The following GALNTL6 variants were observed in gnomAD, a reference collection of about 807,000 sequenced individuals.
GALNTL6 encodes the protein polypeptide N-acetylgalactosaminyltransferase-like 6.
GALNTL6 carries 46 observed loss-of-function variants against 73.7 expected under a neutral mutation model. That is an observed-to-expected ratio of 0.62 (90% CI 0.49 to 0.80). The LOEUF is 0.80. Among genes scored for constraint, GALNTL6 ranks in the 30% least tolerant of loss-of-function variants. The pLI is 0.00. For missense variants in GALNTL6, 604 were observed against 755.0 expected, an observed-to-expected ratio of 0.80 and a Z score of 2.34; for synonymous variants, 259 against 263.7, an observed-to-expected ratio of 0.98 and a Z score of 0.17.
intron 2 of GALNTL6, among the ~76,000 whole-genome samples, chr4:172,057,612 C>T (rs1234795762): frequency 2.0e-5 from 3 of 147,830 alleles, no homozygotes; most frequent in Non-Finnish European, 4.5e-5. Flanking sequence ...GAGGTTGAGG[C>T]GGGAAGATCG....
At chr4:173,035,124 T>C (rs923677745) in intron 12 of GALNTL6, among the ~76,000 whole-genome samples, 66 of 152,076 alleles carry the variant, frequency 4.3e-4, no homozygotes, top group African/African-American at 1.6e-3. Flanking sequence ...CTTTAAGTTC[T>C]AGGGTACATG....
At chr4:172,202,246 G>A (rs1204606396) in intron 2 of GALNTL6, among the ~76,000 whole-genome samples, 1 of 152,156 alleles carries the variant, frequency 6.6e-6, no homozygotes, top group East Asian at 1.9e-4. Flanking sequence ...TAGGTATGAT[G>A]AGCACAGTAA....
intron 5 of GALNTL6, among the ~76,000 whole-genome samples, chr4:172,474,041 T>C (rs1350783101): frequency 2.6e-5 from 4 of 152,220 alleles, no homozygotes; most frequent in Admixed American, 1.3e-4. Context: ...TTTCTACCAG[T>C]TTTTCCCCCA....
intron 2 of GALNTL6, among the ~76,000 whole-genome samples, chr4:172,214,753 T>C (rs1736443077): frequency 6.6e-6 from 1 of 152,066 alleles, no homozygotes; most frequent in Admixed American, 6.6e-5. Flanking sequence ...GACCTCATGA[T>C]CGGCCTGCCT....
At chr4:172,411,080 AG>A (rs992072625) in intron 5 of GALNTL6, among the ~76,000 whole-genome samples, 1 of 152,136 alleles carries the variant, frequency 6.6e-6, no homozygotes, top group African/African-American at 2.4e-5. Context: ...CCCATATAAA[AG>A]GAACAACTTT....
At chr4:171,912,318 C>T (rs375913918) in intron 2 of GALNTL6, among the ~76,000 whole-genome samples, 2 of 151,988 alleles carry the variant, frequency 1.3e-5, no homozygotes, top group East Asian at 3.9e-4. Context: ...GACATTTTGC[C>T]ATTTCTTTTA....
chr4:172,447,384 A>C (rs1411696482), intron 5 of GALNTL6, among the ~76,000 whole-genome samples: 1 of 152,152 alleles, frequency 6.6e-6, no homozygotes, highest in Non-Finnish European at 1.5e-5. Flanking sequence ...AAAGGGAGAT[A>C]TATGCATTTG....
intron 10 of GALNTL6, among the ~76,000 whole-genome samples, chr4:172,990,196 T>C (rs986848639): frequency 2.6e-5 from 4 of 152,236 alleles, no homozygotes; most frequent in Non-Finnish European, 5.9e-5. Context: ...GTGTCTCCAA[T>C]TGTGTCCTGT....
chr4:172,854,805 A>T (rs1744037790), intron 7 of GALNTL6, among the ~76,000 whole-genome samples: 2 of 152,186 alleles, frequency 1.3e-5, no homozygotes, highest in African/African-American at 4.8e-5. Context: ...ATGCCTCTCC[A>T]AGTCATCGCA....
chr4:172,948,728 C>T (rs553390318), intron 9 of GALNTL6, among the ~76,000 whole-genome samples: 286 of 151,930 alleles, frequency 1.9e-3, no homozygotes, highest in Non-Finnish European at 2.6e-3. Context: ...GCCTCAGCCT[C>T]CCAAAGTGCT....
At chr4:172,259,481 T>TG (rs1394771425) in intron 3 of GALNTL6, among the ~76,000 whole-genome samples, 4 of 151,362 alleles carry the variant, frequency 2.6e-5, no homozygotes, top group African/African-American at 9.7e-5. Flanking sequence ...GCTGATTTGT[T>TG]GGAGTGTTTT....
intron 2 of GALNTL6, among the ~76,000 whole-genome samples, chr4:171,992,125 T>C (rs879261742): frequency 6.6e-6 from 1 of 152,056 alleles, no homozygotes; most frequent in Admixed American, 6.6e-5. Context: ...AGATATCTTT[T>C]CAGTGGAAAG....
At chr4:172,633,829 C>T (rs1376896541) in intron 5 of GALNTL6, among the ~76,000 whole-genome samples, 3 of 152,164 alleles carry the variant, frequency 2.0e-5, no homozygotes, top group South Asian at 2.1e-4. Flanking sequence ...ATACTGTTCT[C>T]GTGGTAGTCA....
At chr4:172,528,853 A>G (rs913058886) in intron 5 of GALNTL6, among the ~76,000 whole-genome samples, 1 of 148,804 alleles carries the variant, frequency 6.7e-6, no homozygotes, top group South Asian at 2.1e-4. Flanking sequence ...ACTTTTGCAT[A>G]CATTATATTT....
intron 5 of GALNTL6, among the ~76,000 whole-genome samples, chr4:172,470,532 G>A (rs1160267096): frequency 6.6e-6 from 1 of 152,042 alleles, no homozygotes; most frequent in Non-Finnish European, 1.5e-5. Context: ...TCAACCGAAG[G>A]CCTGAAACCT....
intron 7 of GALNTL6, among the ~76,000 whole-genome samples, chr4:172,868,186 G>A (rs1181139397): frequency 6.6e-6 from 1 of 152,108 alleles, no homozygotes; most frequent in Non-Finnish European, 1.5e-5. Context: ...TGCCTGAAGG[G>A]ATGCATAAAT....
At chr4:172,576,675 A>C (rs1028512039) in intron 5 of GALNTL6, among the ~76,000 whole-genome samples, 3 of 152,304 alleles carry the variant, frequency 2.0e-5, no homozygotes, top group African/African-American at 7.2e-5. Flanking sequence ...ATATACATAA[A>C]GCACTGTGTA....
Position 172,275,109 on chromosome 4 carries a change from C to G in GALNTL6, c.248-36505C>G, listed in dbSNP as rs1579322878. 2.6e-5 allele frequency among the ~76,000 whole-genome samples: 4 copies of G among 152,114 alleles called. No homozygotes were observed. The South Asian group carries it at 8.3e-4, about 32-fold the overall frequency. The stretch of plus-strand genomic sequence containing the variant: ...TGAGGAATATAGTTAGACTGGCAGG[C>G]TATATTTTCTGCATTCCTTTTTTCT... On this transcript the variant is annotated intron_variant, in intron 3 of 12. Coordinates refer to ENST00000506823, the MANE Select transcript of GALNTL6 (RefSeq NM_001034845.3).
chr4:172,211,558 A>G (rs1579259917), intron 2 of GALNTL6, among the ~76,000 whole-genome samples: 1 of 152,254 alleles, frequency 6.6e-6, no homozygotes, highest in East Asian at 1.9e-4. Context: ...AAATTCCACT[A>G]TATATGTGCA....
Sources: gnomAD v4.1 joint callset for allele counts (sites outside exome capture counted in the v4.1 genomes callset) on GRCh38, gnomAD v4.1.1 for gene constraint, MANE v1.5 for transcripts, NCBI Gene and HGNC (gene_info 2026-07-23, HGNC 2026-07-21) for gene names.